Variants in RAB10 observed in about 807,000 individuals in gnomAD.
RAB10 encodes the protein RAB10, member RAS oncogene family.
A neutral mutation model predicts 25.7 loss-of-function variants in RAB10; 5 were observed. The ratio of observed to expected loss-of-function variants is 0.19; its 90% CI spans 0.10 to 0.41. The LOEUF (loss-of-function observed/expected upper bound fraction) is 0.41. Among genes scored for constraint, RAB10 ranks in the 10% least tolerant of loss-of-function variants. The pLI, the probability that RAB10 is intolerant of heterozygous loss-of-function variation, is 1.00. For missense variants in RAB10, 103 were observed against 245.8 expected (o/e 0.42, Z 3.89); for synonymous variants, 89 against 86.4 (o/e 1.03, Z -0.16).
At chr2:26,063,361 T>C (rs1279500135) in intron 1 of RAB10, among the ~76,000 whole-genome samples, 1 of 152,190 alleles carries the variant, frequency 6.6e-6, no homozygotes, top group Non-Finnish European at 1.5e-5. Flanking sequence ...CAATTGAACA[T>C]ATACCCTTCA....
In RAB10 at chr2:26,074,312, T is replaced by C. The variant is rs1666687964; in HGVS notation, c.128-24350T>C. Among the ~76,000 whole-genome samples the C allele has an allele frequency of 2.0e-5, 3 of 152,232 alleles. No individual in the cohort carries two copies. The South Asian group carries it at 6.2e-4, about 31-fold the overall frequency. On this transcript the variant is annotated intron_variant, in intron 1 of 5. Coordinates refer to ENST00000264710, the MANE Select transcript of RAB10 (RefSeq NM_016131.5). ...ATGACTTAAAATATTTTAAACAGCT[T>C]ATCTCTAATCAAATTGTATAGTTGG...
At chr2:26,104,338 G>A (rs72858238) in intron 2 of RAB10, among the ~76,000 whole-genome samples, 233 of 152,308 alleles carry the variant, frequency 1.5e-3, no homozygotes, top group African/African-American at 5.4e-3. Flanking sequence ...GACTAAGGAT[G>A]TTGAGCATCT....
intron 1 of RAB10, among the ~76,000 whole-genome samples, chr2:26,038,937 A>T (rs1665826267): frequency 6.6e-6 from 1 of 152,040 alleles, no homozygotes; most frequent in African/African-American, 2.4e-5. Flanking sequence ...AAAAAAAAAA[A>T]AAAAAATCTA....
Position 26,098,807 on chromosome 2 carries a change from G to C in RAB10, c.188+85G>C, listed in dbSNP as rs189585678. The C allele has an allele frequency of 6.9e-3, 8,024 of 1,156,012 alleles. 47 individuals are homozygous for C. The highest frequency in any genetic ancestry group is 8.9e-3 in the Non-Finnish European group (7,312 of 819,562). 71.6% of individuals were successfully genotyped at this position (1,156,012 alleles called of 1,614,324 possible). ...GAAATTCTTTTTTGTCACAGGTTTA[G>C]ATTCTGTGAGACTTTTGTTTTTAAA... On this transcript the variant is annotated intron_variant, in intron 2 of 5. Coordinates refer to ENST00000264710, the MANE Select transcript of RAB10 (RefSeq NM_016131.5).
chr2:26,120,566 C>A (rs771315056), intron 3 of RAB10, among the ~76,000 whole-genome samples: 99 of 152,114 alleles, frequency 6.5e-4, no homozygotes, highest in Non-Finnish European at 1.3e-3. Context: ...TCAGATAAGA[C>A]CATGGAATCC....
At chr2:26,071,053 C>A (rs1444471733) in intron 1 of RAB10, among the ~76,000 whole-genome samples, 1 of 152,154 alleles carries the variant, frequency 6.6e-6, no homozygotes, top group Non-Finnish European at 1.5e-5. Flanking sequence ...CCACCATGTA[C>A]TCACAAGAGA....
chr2:26,097,838 A>T (rs549290423), intron 1 of RAB10, among the ~76,000 whole-genome samples: 10 of 152,202 alleles, frequency 6.6e-5, no homozygotes, highest in African/African-American at 2.4e-4. Flanking sequence ...AGGTTTATGT[A>T]TTTCTCTTCG....
chr2:26,079,973 T>C (rs985483315), intron 1 of RAB10, among the ~76,000 whole-genome samples: 2 of 152,172 alleles, frequency 1.3e-5, no homozygotes, highest in African/African-American at 4.8e-5. Flanking sequence ...ATACAATTTC[T>C]TAATAAAAGG....
chr2:26,079,246 G>T (rs1666807790), intron 1 of RAB10, among the ~76,000 whole-genome samples: 1 of 150,372 alleles, frequency 6.7e-6, no homozygotes, highest in South Asian at 2.1e-4. Context: ...CCACATACAT[G>T]TATTTTATTC....
intron 1 of RAB10, among the ~76,000 whole-genome samples, chr2:26,071,919 G>A (rs1489365921): frequency 6.6e-6 from 1 of 152,096 alleles, no homozygotes; most frequent in African/African-American, 2.4e-5. Flanking sequence ...CTGCTGCTGT[G>A]AGTGTGACAG....
chr2:26,055,419 A>G (rs866090485), intron 1 of RAB10, among the ~76,000 whole-genome samples: 61 of 141,620 alleles, frequency 4.3e-4, no homozygotes, highest in African/African-American at 1.5e-3. Flanking sequence ...GGAGATACTC[A>G]CTCTTTCTCC....
chr2:26,128,082 C>A, intron 5 of RAB10, 131 bp downstream of exon 5: 1 of 778,754 alleles, frequency 1.3e-6, no homozygotes. Flanking sequence ...CAGCAGTCCC[C>A]AGCCTTTTTG....
At chr2:26,117,637 A>AAAAC (rs1667720576) in intron 3 of RAB10, among the ~76,000 whole-genome samples, 2 of 138,128 alleles carry the variant, frequency 1.4e-5, no homozygotes, top group Non-Finnish European at 3.1e-5. Context: ...AAAAAAAAAC[A>AAAAC]AAAAAAACAA....
intron 1 of RAB10, among the ~76,000 whole-genome samples, chr2:26,068,475 ACTAT>A (rs1410262579): frequency 1.3e-5 from 2 of 152,184 alleles, no homozygotes; most frequent in East Asian, 1.9e-4. Flanking sequence ...CTTACTGTAT[ACTAT>A]TTAATCTTTA....
chr2:26,109,836 T>C lies in RAB10; in HGVS notation c.257T>C (p.Met86Thr). ...TSYYRGAMGI[M>T]LVYDITNGKS... ...TACTACAGAGGCGCAATGGGTATCATGCTAGTATATGACATCACCAATGGT... is the reference window on the plus strand; with the variant it reads ...TACTACAGAGGCGCAATGGGTATCACGCTAGTATATGACATCACCAATGGT... Residue 86 changes from methionine to threonine, a missense_variant, in exon 3 of 6, where the codon ATG (methionine) becomes ACG (threonine). By Grantham distance (81) the Met-to-Thr change is moderately conservative. Coordinates refer to ENST00000264710, the MANE Select transcript of RAB10 (RefSeq NM_016131.5). 6.2e-7 allele frequency: 1 copy of C among 1,611,212 alleles called. No homozygotes were observed. Among genetic ancestry groups the C allele is most frequent in the Non-Finnish European group, 8.5e-7 (1 of 1,178,770 alleles).
chr2:26,054,551 A>G (rs1201258731), intron 1 of RAB10, among the ~76,000 whole-genome samples: 3 of 152,320 alleles, frequency 2.0e-5, no homozygotes. Context: ...ATGTGGGGAT[A>G]TATATTCAGC....
chr2:26,100,107 C>CT (rs1162503987), intron 2 of RAB10, among the ~76,000 whole-genome samples: 1 of 152,090 alleles, frequency 6.6e-6, no homozygotes, highest in East Asian at 1.9e-4. Flanking sequence ...TTGCCCAGGG[C>CT]TAAAAATAGC....
chr2:26,036,858 C>G (rs1489234969), intron 1 of RAB10, among the ~76,000 whole-genome samples: 1 of 151,818 alleles, frequency 6.6e-6, no homozygotes, highest in African/African-American at 2.4e-5. Context: ...GGCGTGATCT[C>G]GGCCCACTGC....
intron 1 of RAB10, among the ~76,000 whole-genome samples, chr2:26,085,567 C>T (rs1666959532): frequency 6.6e-6 from 1 of 151,524 alleles, no homozygotes; most frequent in Non-Finnish European, 1.5e-5. Flanking sequence ...GTGTATTTTC[C>T]TTCGCTTTGT....
Sources: gnomAD v4.1 joint callset for allele counts (sites outside exome capture counted in the v4.1 genomes callset) on GRCh38, gnomAD v4.1.1 for gene constraint, MANE v1.5 for transcripts, NCBI Gene and HGNC (gene_info 2026-07-23, HGNC 2026-07-21) for gene names.